Variants in NUMB observed in about 807,000 individuals in gnomAD.
The protein encoded by NUMB is NUMB endocytic adaptor protein, also known as protein numb homolog.
A neutral mutation model predicts 59.7 loss-of-function variants in NUMB; 29 were observed. The observed-to-expected ratio is 0.49, with a 90% CI of 0.36 to 0.66. NUMB has a LOEUF of 0.66. NUMB is among the 30% of genes least tolerant of loss of function. The probability of loss-of-function intolerance (pLI) is 0.00; values close to 1 mark genes in which losing one functional copy is unlikely to be tolerated. For synonymous variants in NUMB, 288 were observed against 288.2 expected (o/e 1.00, Z 0.01); for missense variants, 723 against 822.0 (o/e 0.88, Z 1.47).
At chr14:73,421,021 T>C (rs979813178) in intron 1 of NUMB, among the ~76,000 whole-genome samples, 7 of 152,212 alleles carry the variant, frequency 4.6e-5, no homozygotes, top group Middle Eastern at 3.2e-3. Flanking sequence ...AATTGTGGCA[T>C]AGTCATAAAA....
intron 1 of NUMB, among the ~76,000 whole-genome samples, chr14:73,448,051 C>T (rs1595051261): frequency 6.6e-6 from 1 of 152,134 alleles, no homozygotes; most frequent in African/African-American, 2.4e-5. Flanking sequence ...CCTGCCTCGG[C>T]CTCCCAAACT....
intron 4 of NUMB, among the ~76,000 whole-genome samples, chr14:73,328,978 T>G (rs1594910999): frequency 6.6e-6 from 1 of 152,140 alleles, no homozygotes; most frequent in Non-Finnish European, 1.5e-5. Flanking sequence ...AAGCAATTCT[T>G]CTGCCTCATC....
At chr14:73,448,574 T>G (rs1255190036) in intron 1 of NUMB, among the ~76,000 whole-genome samples, 1 of 152,208 alleles carries the variant, frequency 6.6e-6, no homozygotes, top group Non-Finnish European at 1.5e-5. Flanking sequence ...GCTTAAATTC[T>G]GAAATAAAAA....
rs913505627 is a variant in NUMB, at chr14:73,456,283, AT to A, written c.-233+2209del. ...CGCCACCACGCCCAGCTAATTTTGT[AT>A]TTTTTTTAAAGATGGGGGTCTCACC... On this transcript the variant is annotated intron_variant, in intron 1 of 12. Coordinates refer to ENST00000555238, the MANE Select transcript of NUMB (RefSeq NM_001005743.2). Among the ~76,000 whole-genome samples the A allele has an allele frequency of 2.0e-5, 3 of 151,580 alleles. No homozygotes were observed. In the South Asian group the frequency reaches 6.5e-4, roughly 33 times the overall value.
chr14:73,295,945 A>C (rs1022195786), intron 7 of NUMB, among the ~76,000 whole-genome samples: 4 of 152,196 alleles, frequency 2.6e-5, no homozygotes, highest in African/African-American at 9.7e-5. Flanking sequence ...ACTAGTCCTT[A>C]AGATGTCACT....
chr14:73,340,838 A>C (rs2139976121), intron 4 of NUMB, among the ~76,000 whole-genome samples: 1 of 152,290 alleles, frequency 6.6e-6, no homozygotes, highest in East Asian at 1.9e-4. Flanking sequence ...TCTCATCTTG[A>C]ATTGTAATCG....
intron 1 of NUMB, among the ~76,000 whole-genome samples, chr14:73,440,197 ATATATATATATGGATAT>A (rs1882925834): frequency 2.9e-5 from 1 of 34,582 alleles, no homozygotes; most frequent in Non-Finnish European, 5.8e-5. Flanking sequence ...CTAGATATCC[ATATATATATATGGATAT>A]CCATATATAT....
At chr14:73,316,976 T>A (rs1332546743) in intron 5 of NUMB, among the ~76,000 whole-genome samples, 2 of 152,222 alleles carry the variant, frequency 1.3e-5, no homozygotes, top group Non-Finnish European at 2.9e-5. Context: ...CATACTTTTT[T>A]CTTAGTGAGT....
chr14:73,409,684 T>C (rs1428401213), intron 2 of NUMB: 1 of 152,212 alleles, frequency 6.6e-6, no homozygotes, highest in Non-Finnish European at 1.5e-5. Context: ...AGCTCATAAA[T>C]ACAATCTGGA....
intron 4 of NUMB, among the ~76,000 whole-genome samples, chr14:73,329,202 CAGA>C (rs1221566646): frequency 6.6e-6 from 1 of 152,128 alleles, no homozygotes; most frequent in Admixed American, 6.6e-5. Context: ...TTTAGCAAAG[CAGA>C]AGTTTTCATC....
In NUMB at chr14:73,379,882, T is replaced by C. The variant is rs75895908; in HGVS notation, c.-100-12901A>G. ...AGTTTCAGAGGCCATTCCAAGTACT[T>C]GGGCTTCTGTTCCTAATAAGGTAAA... is the stretch of plus-strand genomic sequence containing the variant. On this transcript the variant is annotated intron_variant, in intron 2 of 12. Coordinates refer to ENST00000555238, the MANE Select transcript of NUMB (RefSeq NM_001005743.2). 4.7e-3 allele frequency among the ~76,000 whole-genome samples: 710 copies of C among 152,354 alleles called. 5 individuals are homozygous for C. The highest frequency in any genetic ancestry group is 0.03 in the South Asian group (144 of 4,830).
intron 1 of NUMB, among the ~76,000 whole-genome samples, chr14:73,443,067 G>A (rs1393773063): frequency 6.6e-6 from 1 of 152,054 alleles, no homozygotes; most frequent in Admixed American, 6.6e-5. Flanking sequence ...TCACCATGAT[G>A]ACCAGACTGA....
chr14:73,369,046 T>A (rs1031487743), intron 2 of NUMB, among the ~76,000 whole-genome samples: 1 of 10,484 alleles, frequency 9.5e-5, no homozygotes, highest in African/African-American at 1.9e-3. Context: ...AACATTTTCT[T>A]TTTTTTTTTT....
intron 1 of NUMB, among the ~76,000 whole-genome samples, chr14:73,418,275 G>A (rs1208560482): frequency 6.6e-6 from 1 of 152,138 alleles, no homozygotes; most frequent in African/African-American, 2.4e-5. Context: ...AAGATAACCA[G>A]AATAGTCAAA....
At chr14:73,297,877 C>T (rs930395554) in intron 6 of NUMB, 1 of 151,726 alleles carries the variant, frequency 6.6e-6, no homozygotes, top group Non-Finnish European at 1.5e-5. Context: ...TTAACACAGA[C>T]ATTTTTCCTA....
At chr14:73,310,347 T>C (rs1224210598) in intron 6 of NUMB, among the ~76,000 whole-genome samples, 2 of 152,224 alleles carry the variant, frequency 1.3e-5, no homozygotes, top group African/African-American at 2.4e-5. Context: ...AGGATATTTA[T>C]TGAAAGTTCT....
In NUMB at chr14:73,275,859, A is replaced by ATGAT. The variant is rs1383612369; in HGVS notation, c.*715_*718dup. The ATGAT allele has an allele frequency of 3.9e-5, 6 of 152,754 alleles. No homozygotes were observed. Among genetic ancestry groups the ATGAT allele is most frequent in the Admixed American group, 6.5e-5 (1 of 15,298 alleles). The allele number at this position is 152,754 out of a possible 1,614,324, so 9.5% of individuals were successfully genotyped here. On this transcript the variant is annotated 3_prime_UTR_variant, in exon 13 of 13. Transcript: ENST00000555238. Reference sequence around the variant, plus strand: ...CCTCTTTTTATTTCAGTAGGCATCAATGATAAATCAATCTTATGTACAATT... The same window carrying ATGAT: ...CCTCTTTTTATTTCAGTAGGCATCAATGATTGATAAATCAATCTTATGTACAATT...
intron 2 of NUMB, chr14:73,409,162 T>G (rs753934251): frequency 3.9e-5 from 6 of 152,242 alleles, no homozygotes; most frequent in Non-Finnish European, 8.8e-5. Context: ...AATATGATGT[T>G]GATCCTTTCA....
intron 2 of NUMB, among the ~76,000 whole-genome samples, chr14:73,398,407 AGAGAGAGAGTGTGT>A (rs1392701040): frequency 5.2e-5 from 6 of 115,486 alleles, no homozygotes; most frequent in African/African-American, 2.0e-4. Context: ...AGAGAGAGAG[AGAGAGAGAGTGTGT>A]GTGTGTGTGT....
Sources: gnomAD v4.1 joint callset for allele counts (sites outside exome capture counted in the v4.1 genomes callset) on GRCh38, gnomAD v4.1.1 for gene constraint, MANE v1.5 for transcripts, NCBI Gene and HGNC (gene_info 2026-07-23, HGNC 2026-07-21) for gene names.